TSHZ3: variants seen among roughly 807,000 people sequenced by gnomAD.
TSHZ3 encodes teashirt homolog 3.
Under a neutral mutation model 64.5 loss-of-function variants are expected in TSHZ3, and 10 were observed. The observed-to-expected ratio is 0.16, with a 90% CI of 0.10 to 0.26. TSHZ3 has a LOEUF of 0.26. TSHZ3 is among the 10% of genes least tolerant of loss of function. TSHZ3 has a pLI of 1.00. For missense variants in TSHZ3, 1,242 were observed against 1,421.7 expected (o/e 0.87, Z 2.03); for synonymous variants, 608 against 593.1 (o/e 1.03, Z -0.36).
chr19:31,348,607 A>G (rs1031358147), intron 1 of TSHZ3, among the ~76,000 whole-genome samples: 1 of 152,196 alleles, frequency 6.6e-6, no homozygotes, highest in African/African-American at 2.4e-5. Flanking sequence ...AGGAAACGCC[A>G]GCATCTAACA....
intron 6 of TSHZ3, among the ~76,000 whole-genome samples, chr19:31,154,183 C>T (rs1249362260): frequency 6.6e-6 from 1 of 152,208 alleles, no homozygotes; most frequent in Non-Finnish European, 1.5e-5. Context: ...CCCAGCAGAG[C>T]CCCACCCGTA....
chr19:31,238,478 A>G (rs1230268029), intron 3 of TSHZ3, among the ~76,000 whole-genome samples: 1 of 150,954 alleles, frequency 6.6e-6, no homozygotes, highest in African/African-American at 2.4e-5. Context: ...CTGGTCTTGA[A>G]CTCCTGACCT....
intron 1 of TSHZ3, among the ~76,000 whole-genome samples, chr19:31,311,662 G>A (rs1166679971): frequency 6.6e-6 from 1 of 152,166 alleles, no homozygotes; most frequent in Non-Finnish European, 1.5e-5. Context: ...TGGAAGATGA[G>A]AATCCCGTTT....
chr19:31,223,459 GA>G (rs965337148), intron 4 of TSHZ3, among the ~76,000 whole-genome samples: 11 of 148,126 alleles, frequency 7.4e-5, no homozygotes, highest in South Asian at 4.3e-4. Context: ...CCAAAGACAA[GA>G]AAAAAAAAGT....
rs754645262 is a variant in TSHZ3 at position 31,278,479 on chromosome 19, C to T, written c.1314G>A (p.Leu438=). The part of the protein sequence containing the change: ...TPVTPTITTL[L]DEKVQSVPLA... Reference sequence around the variant, plus strand: ...GGGGCACGGACTGGACCTTCTCATCCAGCAGGGTTGTGATGGTAGGTGTGA... The same window carrying T: ...GGGGCACGGACTGGACCTTCTCATCTAGCAGGGTTGTGATGGTAGGTGTGA... Residue 438 remains leucine (L), a synonymous_variant, in exon 2 of 2, where the codon CTG becomes CTA. Coordinates refer to ENST00000240587, the MANE Select transcript of TSHZ3 (RefSeq NM_020856.4). This position sits in a 1 kb window ranked among gnomAD's most constrained non-coding sequence, Gnocchi z 4.7. 31 of 1,613,994 alleles carry T rather than the reference C, an allele frequency of 1.9e-5. No individual in the cohort carries two copies. Among genetic ancestry groups the T allele is most frequent in the Non-Finnish European group, 2.6e-5 (31 of 1,180,034 alleles).
At chr19:31,203,713 G>T (rs1010155625) in intron 5 of TSHZ3, among the ~76,000 whole-genome samples, 2 of 152,084 alleles carry the variant, frequency 1.3e-5, no homozygotes, top group African/African-American at 4.8e-5. Flanking sequence ...AGAGGGAAAC[G>T]ATGGGTGGTA....
intron 5 of TSHZ3, among the ~76,000 whole-genome samples, chr19:31,198,608 A>T (rs1410203360): frequency 6.6e-6 from 1 of 152,176 alleles, no homozygotes. Flanking sequence ...AATACACAAA[A>T]GTCTATTGCT....
intron 1 of TSHZ3, among the ~76,000 whole-genome samples, chr19:31,305,977 T>G (rs1916279150): frequency 6.6e-6 from 1 of 152,254 alleles, no homozygotes; most frequent in South Asian, 2.1e-4. Context: ...AAAATTTCAC[T>G]TGAAAGCCAG....
intron 5 of TSHZ3, among the ~76,000 whole-genome samples, chr19:31,162,471 G>T (rs550361019): frequency 6.6e-6 from 1 of 152,188 alleles, no homozygotes; most frequent in Non-Finnish European, 1.5e-5. Flanking sequence ...CACTTGAATG[G>T]ATGAATGAGT....
intron 5 of TSHZ3, among the ~76,000 whole-genome samples, chr19:31,157,762 G>A (rs887301328): frequency 1.6e-4 from 25 of 152,180 alleles, no homozygotes; most frequent in African/African-American, 6.0e-4. Flanking sequence ...TGGGGCTGAA[G>A]GGAATCAAAG....
chr19:31,225,237 G>T (rs1975444348), intron 4 of TSHZ3, among the ~76,000 whole-genome samples: 1 of 152,200 alleles, frequency 6.6e-6, no homozygotes. Flanking sequence ...AGGAAGCCTG[G>T]CCCCAGAGTC....
chr19:31,180,310 G>A (rs995393422), intron 5 of TSHZ3, among the ~76,000 whole-genome samples: 3 of 152,192 alleles, frequency 2.0e-5, no homozygotes, highest in Non-Finnish European at 4.4e-5. Context: ...GGTACGGGCT[G>A]TACACCTGCT....
intron 4 of TSHZ3, among the ~76,000 whole-genome samples, chr19:31,219,012 C>T (rs1164901059): frequency 6.6e-6 from 1 of 152,152 alleles, no homozygotes; most frequent in East Asian, 1.9e-4. Flanking sequence ...GAAGGAGATG[C>T]TTCAGGTACA....
intron 1 of TSHZ3, among the ~76,000 whole-genome samples, chr19:31,284,357 T>C (rs965660104): frequency 5.3e-5 from 8 of 151,948 alleles, no homozygotes; most frequent in Non-Finnish European, 1.2e-4. Flanking sequence ...CCCCAGCCCC[T>C]TTAATCTCAT....
rs1332352261 is a variant in TSHZ3 at position 31,329,130 on chromosome 19, A to G, written c.40+20050T>C. On this transcript the variant is annotated intron_variant, in intron 1 of 1. Transcript: ENST00000240587. ...GGCACATGTATTGCACTGAAAACGG[A>G]TATTTGTTATTAATGACAAAGATAT... 2.0e-5 allele frequency among the ~76,000 whole-genome samples: 3 copies of G among 152,226 alleles called. No homozygotes were observed. In the East Asian group the frequency reaches 5.8e-4, roughly 29 times the overall value.
intron 5 of TSHZ3, among the ~76,000 whole-genome samples, chr19:31,194,450 C>T (rs1401494506): frequency 9.2e-5 from 14 of 152,148 alleles, no homozygotes; most frequent in Non-Finnish European, 1.5e-5. Context: ...AGGAAATACC[C>T]AACTCCACAC....
chr19:31,172,326 G>A (rs1974546985), intron 5 of TSHZ3, among the ~76,000 whole-genome samples: 1 of 152,198 alleles, frequency 6.6e-6, no homozygotes, highest in Admixed American at 6.5e-5. Flanking sequence ...GGATGGGTTT[G>A]AAATGTACAG....
chr19:31,277,127 T>G lies in TSHZ3; in HGVS notation c.2666A>C (p.Gln889Pro), dbSNP rs1245684737. The change falls in exon 2 of 2, where the codon CAG (glutamine) becomes CCG (proline). Residue 889 changes from glutamine (Q) to proline (P), a missense_variant. Physicochemically the swap from Gln to Pro is moderately conservative, Grantham distance 76. Coordinates refer to ENST00000240587, the MANE Select transcript of TSHZ3 (RefSeq NM_020856.4). This position sits in a 1 kb window ranked among gnomAD's most constrained non-coding sequence, Gnocchi z 4.5. ...GTTTGACTGGCGGCCCTTCCTCTTC[T>G]GGGCGGGCGTCGACTCCTCAGCCTC... is the stretch of plus-strand genomic sequence containing the variant. ...LEEAEESTPA[Q>P]KRKGRQSNWN... 1 of 1,605,244 alleles carries G rather than the reference T, an allele frequency of 6.2e-7. No homozygotes were observed. The highest frequency in any genetic ancestry group is 1.3e-5 in the African/African-American group (1 of 74,654).
intron 5 of TSHZ3, among the ~76,000 whole-genome samples, chr19:31,180,641 T>A (rs1974698168): frequency 6.6e-6 from 1 of 152,220 alleles, no homozygotes; most frequent in Non-Finnish European, 1.5e-5. Flanking sequence ...TGTCTTCCTG[T>A]TAATGTTAAT....
Sources: gnomAD v4.1 joint callset for allele counts (sites outside exome capture counted in the v4.1 genomes callset) on GRCh38, gnomAD v4.1.1 for gene constraint, Gnocchi (gnomAD v3.1) non-coding constraint, MANE v1.5 for transcripts, NCBI Gene and HGNC (gene_info 2026-07-23, HGNC 2026-07-21) for gene names.